The following CYP3A4 variants were observed in gnomAD, a reference collection of about 807,000 sequenced individuals.
CYP3A4 encodes cytochrome P450 family 3 subfamily A member 4.
A neutral mutation model predicts 54.9 loss-of-function variants in CYP3A4; 41 were observed. The observed-to-expected ratio is 0.75, with a 90% CI of 0.58 to 0.97. The LOEUF (loss-of-function observed/expected upper bound fraction) is 0.97, where lower values mean the gene tolerates loss of function less well. Among genes scored for constraint, CYP3A4 ranks in the 50% least tolerant of loss-of-function variants. The pLI is 0.00. For missense variants in CYP3A4, 510 were observed against 597.3 expected, an observed-to-expected ratio of 0.85 and a Z score of 1.52; for synonymous variants, 179 against 205.2, an observed-to-expected ratio of 0.87 and a Z score of 1.09.
At position 99,760,803 on chromosome 7, in the gene CYP3A4, T is replaced by C. The variant is rs374089649; in HGVS notation, c.1416+16A>G. 6.0e-5 allele frequency: 97 copies of C among 1,612,640 alleles called. No homozygotes were observed. Among genetic ancestry groups the C allele is most frequent in the Non-Finnish European group, 7.5e-5 (89 of 1,179,068 alleles). On this transcript the variant is annotated intron_variant, in intron 12 of 12. Transcript: ENST00000651514. Reference sequence around the variant, plus strand: ...AATTATTAATACAACATTATTTTTATAGAAAATTGACTAACCTGTGTTTCT... The same window carrying C: ...AATTATTAATACAACATTATTTTTACAGAAAATTGACTAACCTGTGTTTCT...
intron 6 of CYP3A4, among the ~76,000 whole-genome samples, chr7:99,768,790 T>C (rs1815548830): frequency 6.6e-6 from 1 of 152,128 alleles, no homozygotes; most frequent in African/African-American, 2.4e-5. Context: ...ACAACTACAG[T>C]AGCATGTATT....
intron 10 of CYP3A4, among the ~76,000 whole-genome samples, chr7:99,763,606 T>C (rs1203372601): frequency 6.6e-6 from 1 of 152,206 alleles, no homozygotes. Context: ...GGAGGTTTTT[T>C]ACTTAGCATT....
chr7:99,765,449 T>TGATAGATGATAGATG (rs1368994585), intron 9 of CYP3A4, among the ~76,000 whole-genome samples: 2 of 152,006 alleles, frequency 1.3e-5, no homozygotes, highest in East Asian at 3.9e-4. Flanking sequence ...GATGGATAAA[T>TGATAGATGATAGATG]GATAGATGAT....
chr7:99,761,926 T>A (rs964166603), intron 11 of CYP3A4, 115 bp downstream of exon 11: 2 of 988,870 alleles, frequency 2.0e-6, no homozygotes, highest in Non-Finnish European at 3.1e-6. Flanking sequence ...TCTCTAAATA[T>A]AAAAATACAA....
chr7:99,765,042 C>T (rs551192894), intron 9 of CYP3A4, among the ~76,000 whole-genome samples: 1 of 152,100 alleles, frequency 6.6e-6, no homozygotes, highest in African/African-American at 2.4e-5. Flanking sequence ...TGAGAAAGGT[C>T]GACAGAGCTG....
rs974351053 is a variant in CYP3A4 at position 99,769,448 on chromosome 7, C to T, written c.521+320G>A. The T allele has an allele frequency of 8.3e-6, 3 of 361,302 alleles. No homozygotes were observed. The Admixed American group carries it at 1.1e-4, about 14-fold the overall frequency. 22.4% of individuals were successfully genotyped at this position (361,302 alleles called of 1,614,324 possible). A position where few individuals can be genotyped will look rare whatever the true frequency, so the allele number is the denominator to read the frequency against. ...TGCCTTCCCCTTCCACCATCCCATA[C>T]ACTCCATGCTTAAAACTTTGGTACA... On this transcript the variant is annotated intron_variant, in intron 6 of 12. Coordinates refer to ENST00000651514, the MANE Select transcript of CYP3A4 (RefSeq NM_017460.6).
intron 10 of CYP3A4, 26 bp downstream of exon 10, chr7:99,763,829 T>TC: frequency 6.2e-7 from 1 of 1,613,582 alleles, no homozygotes; most frequent in Non-Finnish European, 8.5e-7. Context: ...ACCTCCTCCC[T>TC]CCTTCTCCAT....
At position 99,762,177 on chromosome 7, in the gene CYP3A4, G is replaced by A. The variant is rs12721629; in HGVS notation, c.1117C>T (p.Leu373Phe). Residue 373 changes from leucine to phenylalanine, a missense_variant, in exon 11 of 13, where the codon CTT becomes TTT. Around this residue, in one of 2 missense-constraint regions of CYP3A4, gnomAD observed 238 missense variants for 322.5 expected, o/e 0.74. Coordinates refer to ENST00000651514, the MANE Select transcript of CYP3A4 (RefSeq NM_017460.6). Reference sequence around the variant, plus strand: ...ACATCTTTTTTGCAGACCCTCTCAAGTCTCATAGCAATTGGGAATAATCTG... The same window carrying A: ...ACATCTTTTTTGCAGACCCTCTCAAATCTCATAGCAATTGGGAATAATCTG... ...TLRLFPIAMR[L>F]ERVCKKDVEI... The A allele has an allele frequency of 1.9e-4, 302 of 1,614,040 alleles. No homozygotes were observed. In the African/African-American group the frequency reaches 3.6e-3, roughly 19 times the overall value.
At chr7:99,767,366 C>G in intron 7 of CYP3A4, 108 bp from the exon 8 acceptor site, 2 of 995,718 alleles carry the variant, frequency 2.0e-6, no homozygotes, top group Admixed American at 5.9e-5. Context: ...TAAAAGACAT[C>G]AAGGTTCTCA....
intron 3 of CYP3A4, among the ~76,000 whole-genome samples, chr7:99,773,848 G>T (rs1205509854): frequency 2.0e-5 from 3 of 152,140 alleles, no homozygotes; most frequent in Non-Finnish European, 4.4e-5. Context: ...ACTAAGATCA[G>T]AGCAGAACAG....
intron 10 of CYP3A4, among the ~76,000 whole-genome samples, chr7:99,762,823 G>A (rs1341360941): frequency 3.9e-5 from 6 of 152,136 alleles, no homozygotes; most frequent in African/African-American, 1.2e-4. Flanking sequence ...TGCTGAAACA[G>A]TCTCCTAGTT....
chr7:99,775,006 T>C (rs576358568), intron 3 of CYP3A4, among the ~76,000 whole-genome samples: 1 of 152,246 alleles, frequency 6.6e-6, no homozygotes, highest in South Asian at 2.1e-4. Context: ...GGATACAAAA[T>C]CAATTTACAA....
intron 3 of CYP3A4, among the ~76,000 whole-genome samples, chr7:99,773,049 T>C (rs527675775): frequency 7.2e-5 from 11 of 152,222 alleles, no homozygotes; most frequent in African/African-American, 2.6e-4. Context: ...TTTAAAATAT[T>C]TTATTTTAAA....
chr7:99,771,568 G>C (rs755746160), intron 4 of CYP3A4, among the ~76,000 whole-genome samples: 3 of 152,112 alleles, frequency 2.0e-5, no homozygotes, highest in African/African-American at 7.2e-5. Flanking sequence ...TTCAATTCTT[G>C]TCAAAATAAC....
intron 10 of CYP3A4, among the ~76,000 whole-genome samples, 190 bp from the exon 11 acceptor site, chr7:99,762,457 G>A (rs1815363443): frequency 6.6e-6 from 1 of 152,006 alleles, no homozygotes; most frequent in Non-Finnish European, 1.5e-5. Context: ...GAGATGTGTG[G>A]AGGAGTTATG....
intron 10 of CYP3A4, 98 bp from the exon 11 acceptor site, chr7:99,762,365 T>A: frequency 7.0e-7 from 1 of 1,426,178 alleles, no homozygotes; most frequent in Non-Finnish European, 9.7e-7. Flanking sequence ...CTCCAGAGAC[T>A]AACTCATACT....
rs1457024500 is a variant in CYP3A4, at chr7:99,766,357, C to G, written c.865+20G>C. The G allele has an allele frequency of 1.2e-6, 2 of 1,613,130 alleles. No individual in the cohort carries two copies. Among genetic ancestry groups the G allele is most frequent in the African/African-American group, 2.7e-5 (2 of 74,854 alleles). On this transcript the variant is annotated intron_variant, in intron 9 of 12. Transcript: ENST00000651514. ...CCCTCTGAGTGCCCCACAAGTAGCC[C>G]TCAGAAACACTCTGGTTACCTTTGT...
In CYP3A4 at chr7:99,770,137, A is replaced by T; in HGVS notation, c.417T>A (p.Ser139Arg). ...ATTTTCATACCTCCTTGAGTTTTCC[A>T]CTGGTGAAGGTTGGAGACAGCAATG... ...LRSLLSPTFT[S>R]GKLKEMVPII... Residue 139 changes from serine (S) to arginine (R), a missense_variant, in exon 5 of 13, where the codon AGT becomes AGA. Coordinates refer to ENST00000651514, the MANE Select transcript of CYP3A4 (RefSeq NM_017460.6). The T allele has an allele frequency of 6.2e-7, 1 of 1,612,742 alleles. No homozygotes were observed. Among genetic ancestry groups the T allele is most frequent in the Non-Finnish European group, 8.5e-7 (1 of 1,178,882 alleles).
chr7:99,773,383 C>G (rs771297038), intron 3 of CYP3A4, among the ~76,000 whole-genome samples: 1 of 152,186 alleles, frequency 6.6e-6, no homozygotes, highest in Non-Finnish European at 1.5e-5. Context: ...CCCAAATTAA[C>G]AGAATATACA....
Sources: allele counts gnomAD v4.1 joint callset (sites outside exome capture counted in the v4.1 genomes callset), GRCh38; gene constraint gnomAD v4.1.1; regional missense constraint gnomAD v4.1.1; transcripts MANE v1.5; gene names NCBI Gene and HGNC (gene_info 2026-07-23, HGNC 2026-07-21).